Variants in CDKN2B-AS1 observed in about 807,000 individuals in gnomAD.
The protein encoded by CDKN2B-AS1 is CDKN2B and CDKN2A antisense cis and trans regulatory RNA 1.
chr9:22,023,056 T>A (rs1299379377), intron 1 of CDKN2B-AS1, among the ~76,000 whole-genome samples: 1 of 152,150 alleles, frequency 6.6e-6, no homozygotes. Flanking sequence ...CCTTTAACAT[T>A]TGTTCTTTCA....
Position 22,091,669 on chromosome 9 carries a change from A to AT in CDKN2B-AS1, n.438+35288dup, listed in dbSNP as rs1451335105. Reference sequence around the variant, plus strand: ...GAATGCTTGTGATTTTCGCACATTGATTTTTTATCCTGAGACTTTGCTGAA... The same window carrying AT: ...GAATGCTTGTGATTTTCGCACATTGATTTTTTTATCCTGAGACTTTGCTGAA... On this transcript the variant is annotated intron_variant and non_coding_transcript_variant, in intron 4 of 4. Transcript: ENST00000650946. Among the ~76,000 whole-genome samples the AT allele has an allele frequency of 3.9e-5, 6 of 152,210 alleles. No homozygotes were observed. In the East Asian group the frequency reaches 9.7e-4, roughly 24 times the overall value.
At chr9:22,063,012 G>A (rs1356524978) in intron 4 of CDKN2B-AS1, among the ~76,000 whole-genome samples, 6 of 107,190 alleles carry the variant, frequency 5.6e-5, no homozygotes, top group African/African-American at 1.9e-4. Flanking sequence ...GAGAGAGAGA[G>A]AGAGAGAGAG....
intron 1 of CDKN2B-AS1, among the ~76,000 whole-genome samples, chr9:22,032,223 T>C (rs1261736156): frequency 6.6e-6 from 1 of 152,178 alleles, no homozygotes; most frequent in Non-Finnish European, 1.5e-5. Context: ...AGTGATTCAG[T>C]GGAGGTAGAA....
chr9:22,023,075 T>A (rs929028044), intron 1 of CDKN2B-AS1, among the ~76,000 whole-genome samples: 3 of 152,172 alleles, frequency 2.0e-5, no homozygotes, highest in Non-Finnish European at 4.4e-5. Context: ...CATTTTGACC[T>A]TAGAGAATAT....
At chr9:22,096,688 G>A (rs1190036087) in intron 4 of CDKN2B-AS1, among the ~76,000 whole-genome samples, 1 of 152,026 alleles carries the variant, frequency 6.6e-6, no homozygotes, top group Admixed American at 6.6e-5. Context: ...CATGACCCTG[G>A]CCCTGTCCCA....
chr9:22,022,503 A>G (rs1822058045), intron 1 of CDKN2B-AS1, among the ~76,000 whole-genome samples: 1 of 151,736 alleles, frequency 6.6e-6, no homozygotes, highest in Non-Finnish European at 1.5e-5. Context: ...CATTTCCTTG[A>G]TATATTTTTC....
intron 4 of CDKN2B-AS1, among the ~76,000 whole-genome samples, chr9:22,085,989 T>G (rs1381721425): frequency 6.6e-6 from 1 of 152,030 alleles, no homozygotes; most frequent in Admixed American, 6.6e-5. Context: ...GCAGGATAGT[T>G]CAACAGAAAG....
rs919591772 is a variant in CDKN2B-AS1, at chr9:21,997,169, G to T, written n.29+2008G>T. Among the ~76,000 whole-genome samples, 2 of 152,124 alleles carry T rather than the reference G, an allele frequency of 1.3e-5. No homozygotes were observed. Among genetic ancestry groups the T allele is most frequent in the Non-Finnish European group, 1.5e-5 (1 of 68,008 alleles). ...GTATGGTATGGGCTATTGCTCCTAGGCTGCAAACCTTTACAACATGTTACT... is the reference window on the plus strand; with the variant it reads ...GTATGGTATGGGCTATTGCTCCTAGTCTGCAAACCTTTACAACATGTTACT... On this transcript the variant is annotated intron_variant and non_coding_transcript_variant, in intron 1 of 4. Coordinates refer to ENST00000650946, the Ensembl canonical transcript of CDKN2B-AS1. The surrounding 1 kb of genome is among the most constrained non-coding windows in gnomAD (Gnocchi z 4.8).
rs371967904 is a variant in CDKN2B-AS1 at position 22,010,510 on chromosome 9, CAT to C, written n.29+15350_29+15351del. Among the ~76,000 whole-genome samples, 1,407 of 152,236 alleles carry C rather than the reference CAT, an allele frequency of 9.2e-3. 17 individuals carry two copies. Among genetic ancestry groups the C allele is most frequent in the African/African-American group, 0.032 (1,330 of 41,540 alleles). ...GTGTATTGCAAAATGAGAGTCTTCA[CAT>C]GTTTTTTTTAGGATACCTTAGCTCT... On this transcript the variant is annotated intron_variant and non_coding_transcript_variant, in intron 1 of 4. Coordinates refer to ENST00000650946, the Ensembl canonical transcript of CDKN2B-AS1.
At chr9:22,101,841 G>T (rs1027374233) in intron 4 of CDKN2B-AS1, among the ~76,000 whole-genome samples, 1 of 152,174 alleles carries the variant, frequency 6.6e-6, no homozygotes, top group African/African-American at 2.4e-5. Flanking sequence ...CCAAGGATGG[G>T]CAGAGCTTGC....
At chr9:22,091,658 T>A (rs1195526912) in intron 4 of CDKN2B-AS1, among the ~76,000 whole-genome samples, 2 of 152,186 alleles carry the variant, frequency 1.3e-5, no homozygotes, top group African/African-American at 4.8e-5. Context: ...GCTTGTGATT[T>A]TCGCACATTG....
chr9:22,083,584 T>G (rs904452577), intron 4 of CDKN2B-AS1, among the ~76,000 whole-genome samples: 6 of 152,228 alleles, frequency 3.9e-5, no homozygotes, highest in African/African-American at 1.4e-4. Flanking sequence ...GAATACAACT[T>G]GGTATTCTTA....
chr9:22,055,459 T>A (rs1823521233), intron 3 of CDKN2B-AS1, among the ~76,000 whole-genome samples: 1 of 152,214 alleles, frequency 6.6e-6, no homozygotes, highest in African/African-American at 2.4e-5. Flanking sequence ...AAAATTAGTT[T>A]AAGTGGTTTT....
chr9:22,009,617 C>G (rs1181125934), intron 1 of CDKN2B-AS1, among the ~76,000 whole-genome samples: 2 of 151,942 alleles, frequency 1.3e-5, no homozygotes, highest in Non-Finnish European at 2.9e-5. Context: ...ATTTCTGTTC[C>G]TTCAGCCAGC....
chr9:22,027,565 C>A (rs1822292844), intron 1 of CDKN2B-AS1, among the ~76,000 whole-genome samples: 1 of 152,096 alleles, frequency 6.6e-6, no homozygotes, highest in South Asian at 2.1e-4. Flanking sequence ...AAATAATGAC[C>A]TTTCTGAATG....
At chr9:22,098,996 A>T (rs553216693) in intron 4 of CDKN2B-AS1, among the ~76,000 whole-genome samples, 1 of 152,358 alleles carries the variant, frequency 6.6e-6, no homozygotes, top group African/African-American at 2.4e-5. Flanking sequence ...GCCTAATACT[A>T]GGCAAGAAGT....
intron 4 of CDKN2B-AS1, among the ~76,000 whole-genome samples, chr9:22,106,630 G>C (rs993186062): frequency 6.6e-6 from 1 of 152,196 alleles, no homozygotes; most frequent in African/African-American, 2.4e-5. Context: ...TGGCATAAGG[G>C]ACTGGCACAA....
At chr9:22,012,168 T>C in intron 1 of CDKN2B-AS1, 3 of 1,353,290 alleles carry the variant, frequency 2.2e-6, no homozygotes, top group Non-Finnish European at 3.2e-6. Context: ...CAGATCTTTG[T>C]GAAGACCCTC....
chr9:22,110,394 A>T (rs1035466415), intron 4 of CDKN2B-AS1, among the ~76,000 whole-genome samples: 1 of 152,178 alleles, frequency 6.6e-6, no homozygotes, highest in East Asian at 1.9e-4. Context: ...TTCTAATAGG[A>T]CTGTGGATTT....
Sources: gnomAD v4.1 joint callset for allele counts (sites outside exome capture counted in the v4.1 genomes callset) on GRCh38, gnomAD v4.1.1 for gene constraint, Gnocchi (gnomAD v3.1) non-coding constraint, MANE v1.5 for transcripts, NCBI Gene and HGNC (gene_info 2026-07-23, HGNC 2026-07-21) for gene names.